Variants in KIAA1958 observed in about 807,000 individuals in gnomAD.
KIAA1958 encodes the protein KIAA1958, also known as uncharacterized protein KIAA1958.
KIAA1958 carries 14 observed loss-of-function variants against 47.2 expected under a neutral mutation model. The ratio of observed to expected loss-of-function variants is 0.30; its 90% CI spans 0.20 to 0.46. KIAA1958 has a LOEUF of 0.46. Among genes scored for constraint, KIAA1958 ranks in the 20% least tolerant of loss-of-function variants. The pLI, the probability that KIAA1958 is intolerant of heterozygous loss-of-function variation, is 1.00. For synonymous variants in KIAA1958, 354 were observed against 353.3 expected (o/e 1.00, Z -0.02); for missense variants, 803 against 909.2 (o/e 0.88, Z 1.50).
intron 1 of KIAA1958, among the ~76,000 whole-genome samples, chr9:112,525,529 C>G (rs892983889): frequency 1.3e-5 from 2 of 152,190 alleles, no homozygotes; most frequent in Admixed American, 1.3e-4. Context: ...CACCAGTGGT[C>G]TGTTCATTGC....
rs1231101064 is a variant in KIAA1958 at position 112,618,592 on chromosome 9, G to C, written c.1172-27058G>C. The stretch of plus-strand genomic sequence containing the variant: ...ATGCCCAGCGGCGGCCTCCCGCCAT[G>C]CGCTACGAGGATGCCCCTTTCTACT... On this transcript the variant is annotated intron_variant, in intron 2 of 3. Coordinates refer to ENST00000337530, the MANE Select transcript of KIAA1958 (RefSeq NM_133465.4). This position sits in a 1 kb window ranked among gnomAD's most constrained non-coding sequence, Gnocchi z 7.1. 8.4e-6 allele frequency: 13 copies of C among 1,550,676 alleles called. No individual in the cohort carries two copies. Among genetic ancestry groups the C allele is most frequent in the Non-Finnish European group, 1.1e-5 (13 of 1,147,010 alleles).
At chr9:112,499,855 AT>A (rs1834104345) in intron 1 of KIAA1958, among the ~76,000 whole-genome samples, 1 of 151,062 alleles carries the variant, frequency 6.6e-6, no homozygotes, top group East Asian at 2.0e-4. Flanking sequence ...CGCCCGGCTA[AT>A]TTTTTGTATA....
At chr9:112,621,627 A>G (rs1204703582) in intron 2 of KIAA1958, among the ~76,000 whole-genome samples, 1 of 152,174 alleles carries the variant, frequency 6.6e-6, no homozygotes, top group Non-Finnish European at 1.5e-5. Context: ...ATTTTTATTT[A>G]TTTATATTTT....
chr9:112,509,388 G>A (rs897707277), intron 1 of KIAA1958, among the ~76,000 whole-genome samples: 4 of 151,896 alleles, frequency 2.6e-5, no homozygotes, highest in Non-Finnish European at 5.9e-5. Flanking sequence ...TTTAATAGAG[G>A]TGGGGTTTCA....
intron 2 of KIAA1958, among the ~76,000 whole-genome samples, chr9:112,595,790 A>ATTT (rs879272331): frequency 6.8e-6 from 1 of 145,992 alleles, no homozygotes; most frequent in African/African-American, 2.5e-5. Flanking sequence ...GTTTGAAAGC[A>ATTT]TTTTTTTTTT....
rs1836437632 is a variant in KIAA1958 at position 112,618,079 on chromosome 9, C to T, written c.1172-27571C>T. On this transcript the variant is annotated intron_variant, in intron 2 of 3. Transcript: ENST00000337530. This position sits in a 1 kb window ranked among gnomAD's most constrained non-coding sequence, Gnocchi z 7.1. ...CCAGGCAGAAGGATGGGTCCGAATACGAACCCAACAGCTTGGCCAATTACC... is the reference window on the plus strand; with the variant it reads ...CCAGGCAGAAGGATGGGTCCGAATATGAACCCAACAGCTTGGCCAATTACC... 4 of 1,550,572 alleles carry T rather than the reference C, an allele frequency of 2.6e-6. No homozygotes were observed. The highest frequency in any genetic ancestry group is 3.5e-6 in the Non-Finnish European group (4 of 1,147,010).
At chr9:112,614,534 G>A (rs1435291437) in intron 2 of KIAA1958, among the ~76,000 whole-genome samples, 2 of 152,046 alleles carry the variant, frequency 1.3e-5, no homozygotes, top group South Asian at 2.1e-4. Flanking sequence ...ACTTGATTTT[G>A]TTATTAACTA....
intron 1 of KIAA1958, among the ~76,000 whole-genome samples, chr9:112,504,311 C>T (rs758827217): frequency 5.3e-5 from 8 of 151,970 alleles, no homozygotes; most frequent in Non-Finnish European, 1.2e-4. Context: ...CTCAGCCTCC[C>T]GAGTAGCTGG....
At chr9:112,491,392 A>G (rs756231672) in intron 1 of KIAA1958, among the ~76,000 whole-genome samples, 7 of 152,170 alleles carry the variant, frequency 4.6e-5, no homozygotes, top group Non-Finnish European at 1.0e-4. Context: ...ACTTTGGCCA[A>G]CCTAGCACCA....
At chr9:112,527,594 G>A (rs7875180) in intron 1 of KIAA1958, among the ~76,000 whole-genome samples, 145,346 of 152,258 alleles carry the variant, frequency 0.95, 69,446 homozygotes, top group African/African-American at 0.99. Context: ...AATATTCTCT[G>A]TGCTGGGGGG....
chr9:112,548,754 C>A (rs1036156496), intron 1 of KIAA1958, among the ~76,000 whole-genome samples: 1 of 152,142 alleles, frequency 6.6e-6, no homozygotes, highest in Non-Finnish European at 1.5e-5. Context: ...CCAAATATTT[C>A]TCAGCATTGC....
chr9:112,614,046 A>T (rs1255788841), intron 2 of KIAA1958, among the ~76,000 whole-genome samples: 2 of 152,224 alleles, frequency 1.3e-5, no homozygotes, highest in African/African-American at 4.8e-5. Flanking sequence ...ATAAATTATA[A>T]TATATTCACA....
rs763348706 is a variant in KIAA1958 at position 112,659,444 on chromosome 9, A to G, written c.1526A>G (p.Lys509Arg). The change falls in exon 4 of 4, where the codon AAA becomes AGA. Residue 509 changes from lysine to arginine, a missense_variant. Around this residue, in one of 2 missense-constraint regions of KIAA1958, gnomAD observed 761 missense variants for 829.3 expected, o/e 0.92. Coordinates refer to ENST00000337530, the MANE Select transcript of KIAA1958 (RefSeq NM_133465.4). ...TSSTFSSSTK[K>R]LKEKLWVLSK... ...AGCACCTTCAGCTCCTCCACCAAGAAACTCAAGGAGAAGCTGTGGGTGCTG... is the reference window on the plus strand; with the variant it reads ...AGCACCTTCAGCTCCTCCACCAAGAGACTCAAGGAGAAGCTGTGGGTGCTG... The G allele has an allele frequency of 6.2e-7, 1 of 1,614,092 alleles. No individual in the cohort carries two copies. Among genetic ancestry groups the G allele is most frequent in the Non-Finnish European group, 8.5e-7 (1 of 1,179,984 alleles).
At chr9:112,568,750 T>C (rs1452607184) in intron 1 of KIAA1958, among the ~76,000 whole-genome samples, 1 of 150,968 alleles carries the variant, frequency 6.6e-6, no homozygotes, top group Non-Finnish European at 1.5e-5. Context: ...GAGCCAGGTG[T>C]GGTGGTGCGC....
chr9:112,567,728 G>T (rs1184196832), intron 1 of KIAA1958, among the ~76,000 whole-genome samples: 1 of 152,004 alleles, frequency 6.6e-6, no homozygotes, highest in Non-Finnish European at 1.5e-5. Context: ...GGAGGCCGAG[G>T]TGGGTGGATC....
At chr9:112,597,503 T>TC (rs1306909756) in intron 2 of KIAA1958, among the ~76,000 whole-genome samples, 4 of 152,224 alleles carry the variant, frequency 2.6e-5, no homozygotes, top group African/African-American at 4.8e-5. Flanking sequence ...ATGCTTCTCT[T>TC]ACATGTCTCA....
At chr9:112,492,101 T>G (rs988386052) in intron 1 of KIAA1958, among the ~76,000 whole-genome samples, 14 of 152,238 alleles carry the variant, frequency 9.2e-5, no homozygotes, top group Non-Finnish European at 2.9e-5. Flanking sequence ...CTAGGACTAC[T>G]TCCTCTTCTC....
rs1837318739 is a variant in KIAA1958, at chr9:112,664,026, T to C, written c.*3957T>C. The C allele has an allele frequency of 1.3e-5, 2 of 152,278 alleles. No individual in the cohort carries two copies. The highest frequency in any genetic ancestry group is 1.3e-4 in the Admixed American group (2 of 15,284). The allele number at this position is 152,278 out of a possible 1,614,324, so 9.4% of individuals were successfully genotyped here. A position where few individuals can be genotyped will look rare whatever the true frequency, so the allele number is the denominator to read the frequency against. On this transcript the variant is annotated 3_prime_UTR_variant, in exon 4 of 4. Transcript: ENST00000337530. Reference sequence around the variant, plus strand: ...TGGGCAAATGCCGATATCACTTTGCTTAGCTATAAAGTGCCATCAGTGGGA... The same window carrying C: ...TGGGCAAATGCCGATATCACTTTGCCTAGCTATAAAGTGCCATCAGTGGGA...
chr9:112,610,280 G>A (rs1326929141), intron 2 of KIAA1958, among the ~76,000 whole-genome samples: 4 of 151,126 alleles, frequency 2.6e-5, no homozygotes, highest in Non-Finnish European at 5.9e-5. Flanking sequence ...TAAATAAGTA[G>A]GAAAAGAAAT....
Sources: gnomAD v4.1 joint callset for allele counts (sites outside exome capture counted in the v4.1 genomes callset) on GRCh38, gnomAD v4.1.1 for gene constraint, gnomAD v4.1.1 regional missense constraint, Gnocchi (gnomAD v3.1) non-coding constraint, MANE v1.5 for transcripts, NCBI Gene and HGNC (gene_info 2026-07-23, HGNC 2026-07-21) for gene names.